Variants in SPMIP6 observed in about 807,000 individuals in gnomAD.
The protein encoded by SPMIP6 is sperm microtubule inner protein 6, also known as ciliated bronchial epithelial protein 1.
chr9:34,381,290 G>C, the SPMIP6 span: 15 of 1,603,742 alleles, frequency 9.4e-6, no homozygotes, highest in African/African-American at 1.7e-4. This position sits in a 1 kb window ranked among gnomAD's most constrained non-coding sequence, Gnocchi z 4.4. Flanking sequence ...CCGTCCTTCA[G>C]GTACCCATCC....
chr9:34,386,345 T>C, the SPMIP6 span, among the ~76,000 whole-genome samples: 4 of 152,158 alleles, frequency 2.6e-5, no homozygotes, highest in Admixed American at 2.0e-4. Flanking sequence ...CCTGTAATCC[T>C]AGCCCTTTGG....
chr9:34,395,388 A>T, the SPMIP6 span, among the ~76,000 whole-genome samples: 1 of 152,208 alleles, frequency 6.6e-6, no homozygotes, highest in Non-Finnish European at 1.5e-5. Flanking sequence ...AACACTTGAC[A>T]CTGATCTTTG....
At chr9:34,396,348 G>A in the SPMIP6 span, among the ~76,000 whole-genome samples, 112,058 of 151,924 alleles carry the variant, frequency 0.74, 42,324 homozygotes, top group Non-Finnish European at 0.84. Context: ...CCTATTCAAC[G>A]AATTCCTTTT....
At chr9:34,379,508 C>T in the SPMIP6 span, 4 of 800,090 alleles carry the variant, frequency 5.0e-6, no homozygotes, top group African/African-American at 5.1e-5. The surrounding 1 kb of genome is among the most constrained non-coding windows in gnomAD (Gnocchi z 4.2). Context: ...CTCCATGCCA[C>T]TAGCTCCCCC....
chr9:34,381,616 A>T, the SPMIP6 span: 1 of 1,437,610 alleles, frequency 7.0e-7, no homozygotes, highest in Non-Finnish European at 9.2e-7. The surrounding 1 kb of genome is among the most constrained non-coding windows in gnomAD (Gnocchi z 4.4). Flanking sequence ...CAACGCTTTT[A>T]CATCGCCAAC....
the SPMIP6 span, chr9:34,380,982 G>A: frequency 6.2e-7 from 1 of 1,609,220 alleles, no homozygotes; most frequent in African/African-American, 1.3e-5. Flanking sequence ...ATCCCGCGCA[G>A]ACAGTAGTGG....
At chr9:34,390,652 A>G in the SPMIP6 span, among the ~76,000 whole-genome samples, 1 of 152,174 alleles carries the variant, frequency 6.6e-6, no homozygotes, top group African/African-American at 2.4e-5. Flanking sequence ...TTTTGTATTT[A>G]TGAATGAATT....
the SPMIP6 span, chr9:34,382,583 TAA>T: frequency 3.9e-3 from 2,072 of 534,924 alleles, no homozygotes; most frequent in Middle Eastern, 7.1e-3. Context: ...AGACTCTATC[TAA>T]AAAAAAAAAA....
At chr9:34,380,961 C>G in the SPMIP6 span, 2 of 1,606,058 alleles carry the variant, frequency 1.2e-6, no homozygotes, top group Non-Finnish European at 1.7e-6. Flanking sequence ...GCCCCGCTGG[C>G]GTAGTAGTCC....
At chr9:34,397,511 C>T in the SPMIP6 span, 2 of 1,614,040 alleles carry the variant, frequency 1.2e-6, no homozygotes, top group African/African-American at 2.7e-5. Context: ...GAGTCAGAAA[C>T]TTGTTGGCTT....
At chr9:34,393,849 CTACTCTT>C in the SPMIP6 span, among the ~76,000 whole-genome samples, 1 of 152,256 alleles carries the variant, frequency 6.6e-6, no homozygotes, top group South Asian at 2.1e-4. Flanking sequence ...TGTGTTGACT[CTACTCTT>C]TAATCCATCT....
At chr9:34,385,113 C>T in the SPMIP6 span, among the ~76,000 whole-genome samples, 3 of 151,754 alleles carry the variant, frequency 2.0e-5, no homozygotes, top group Admixed American at 6.6e-5. Flanking sequence ...TTTTTTCCAC[C>T]GACAAGAACC....
chr9:34,380,875 A>G, the SPMIP6 span: 3 of 1,499,072 alleles, frequency 2.0e-6, no homozygotes, highest in African/African-American at 2.8e-5. Context: ...AGCCCGGCTG[A>G]GGCGGGCGGA....
At chr9:34,381,109 C>T in the SPMIP6 span, 4 of 1,602,806 alleles carry the variant, frequency 2.5e-6, no homozygotes, top group African/African-American at 5.3e-5. The surrounding 1 kb of genome is among the most constrained non-coding windows in gnomAD (Gnocchi z 4.4). Flanking sequence ...GTGAGTTCAG[C>T]ATGTTCACCA....
At chr9:34,381,558 A>G in the SPMIP6 span, 1 of 1,537,404 alleles carries the variant, frequency 6.5e-7, no homozygotes, top group Non-Finnish European at 8.7e-7. The surrounding 1 kb of genome is among the most constrained non-coding windows in gnomAD (Gnocchi z 4.4). Flanking sequence ...CCCGCCCTTC[A>G]GCAGCTCCCC....
At chr9:34,380,951 G>A in the SPMIP6 span, 8 of 1,603,944 alleles carry the variant, frequency 5.0e-6, no homozygotes, top group Non-Finnish European at 6.8e-6. Flanking sequence ...GGTGCAGGGC[G>A]CCCCGCTGGC....
chr9:34,384,822 G>C, the SPMIP6 span, among the ~76,000 whole-genome samples: 1 of 152,210 alleles, frequency 6.6e-6, no homozygotes, highest in Admixed American at 6.5e-5. Flanking sequence ...TGAGGAAATA[G>C]AGACAGTGAG....
At chr9:34,382,710 G>T in the SPMIP6 span, 1 of 1,287,686 alleles carries the variant, frequency 7.8e-7, no homozygotes, top group Non-Finnish European at 1.1e-6. Flanking sequence ...GGTGGGGTAT[G>T]CGTGTCCCAG....
chr9:34,386,761 T>TG, the SPMIP6 span, among the ~76,000 whole-genome samples: 1 of 152,204 alleles, frequency 6.6e-6, no homozygotes, highest in Non-Finnish European at 1.5e-5. Context: ...CTGTGCTTTT[T>TG]GGGGTTCACC....
Sources: gnomAD v4.1 joint callset for allele counts (sites outside exome capture counted in the v4.1 genomes callset) on GRCh38, gnomAD v4.1.1 for gene constraint, Gnocchi (gnomAD v3.1) non-coding constraint, MANE v1.5 for transcripts, NCBI Gene and HGNC (gene_info 2026-07-23, HGNC 2026-07-21) for gene names.